The following PCDHA2 variants were observed in gnomAD, a reference collection of about 807,000 sequenced individuals.
The protein encoded by PCDHA2 is protocadherin alpha-2.
In PCDHA2, 58 loss-of-function variants were observed where a neutral mutation model predicts 66.0. The ratio of observed to expected loss-of-function variants is 0.88; its 90% CI spans 0.71 to 1.09. The LOEUF is 1.09. PCDHA2 is among the 50% of genes least tolerant of loss of function. PCDHA2 has a pLI of 0.00. For synonymous variants in PCDHA2, 634 were observed against 554.0 expected, an observed-to-expected ratio of 1.14 and a Z score of -2.03; for missense variants, 1,267 against 1,242.3, an observed-to-expected ratio of 1.02 and a Z score of -0.30.
rs2150160493 is a variant in PCDHA2 at position 140,828,905 on chromosome 5, G to A, written c.2388+31553G>A. ...ACTGAATGCTTCTGATCGGGATGAA[G>A]GAGCGAATGGGGCAATTTCATATTC... On this transcript the variant is annotated intron_variant, in intron 1 of 3. Coordinates refer to ENST00000526136, the MANE Select transcript of PCDHA2 (RefSeq NM_018905.3). 3 of 1,614,136 alleles carry A rather than the reference G, an allele frequency of 1.9e-6. No individual in the cohort carries two copies. In the Admixed American group the frequency reaches 5.0e-5, roughly 27 times the overall value.
chr5:140,835,623 G>T, intron 1 of PCDHA2: 2 of 1,613,888 alleles, frequency 1.2e-6, no homozygotes, highest in Non-Finnish European at 1.7e-6. Flanking sequence ...CAGCGCTCTG[G>T]ACCGCGAGAG....
intron 1 of PCDHA2, chr5:140,822,844 C>T (rs2150119784): frequency 6.2e-7 from 1 of 1,614,188 alleles, no homozygotes; most frequent in East Asian, 2.2e-5. Flanking sequence ...CCTTTTCCTG[C>T]CTGTCAAAGA....
At chr5:140,820,068 T>C (rs1554127785) in intron 1 of PCDHA2, among the ~76,000 whole-genome samples, 1 of 152,036 alleles carries the variant, frequency 6.6e-6, no homozygotes, top group African/African-American at 2.4e-5. Context: ...GTGGCTAACA[T>C]CAGCTAATGC....
chr5:140,868,431 G>T (rs1319024879), intron 1 of PCDHA2: 2 of 152,206 alleles, frequency 1.3e-5, no homozygotes, highest in Non-Finnish European at 2.9e-5. Flanking sequence ...GATGAGAATA[G>T]ATCATGTGGA....
At chr5:140,908,342 A>G (rs542660039) in intron 1 of PCDHA2, among the ~76,000 whole-genome samples, 48 of 152,196 alleles carry the variant, frequency 3.2e-4, no homozygotes, top group Non-Finnish European at 5.3e-4. Flanking sequence ...TTGAGCCACT[A>G]CCTCATGTAA....
chr5:140,863,256 C>T (rs761621534), intron 1 of PCDHA2: 6 of 1,442,182 alleles, frequency 4.2e-6, no homozygotes, highest in Non-Finnish European at 4.7e-6. Flanking sequence ...GCGTCGAGGT[C>T]CGGGAGGCAG....
chr5:140,830,060 C>T, intron 1 of PCDHA2: 1 of 1,613,712 alleles, frequency 6.2e-7, no homozygotes, highest in South Asian at 1.1e-5. Context: ...CCACGGTGAG[C>T]CGGCGCTGAC....
At chr5:140,829,083 C>T (rs2150162382) in intron 1 of PCDHA2, 3 of 1,611,052 alleles carry the variant, frequency 1.9e-6, no homozygotes, top group Non-Finnish European at 2.5e-6. Flanking sequence ...CCTCCCATGG[C>T]GGGTCATTGC....
chr5:140,795,062 A>G lies in PCDHA2; in HGVS notation c.98A>G (p.Tyr33Cys), dbSNP rs782698365. The G allele has an allele frequency of 8.1e-6, 13 of 1,613,784 alleles. No homozygotes were observed. The highest frequency in any genetic ancestry group is 1.1e-5 in the South Asian group (1 of 91,082). The stretch of plus-strand genomic sequence containing the variant: ...GAGGTGGGGAGCGGCCAGCTCCGCT[A>G]CTCCGTCCCCGAGGAGGCCAAACAC... ...AWEVGSGQLR[Y>C]SVPEEAKHGT... The change falls in exon 1 of 4, where the codon TAC (tyrosine) becomes TGC (cysteine). Residue 33 changes from tyrosine to cysteine, a missense_variant. Tyr to Cys is a radical substitution (Grantham distance 194). Coordinates refer to ENST00000526136, the MANE Select transcript of PCDHA2 (RefSeq NM_018905.3).
In PCDHA2 at chr5:140,823,505, GCGAGCTGGTGC is replaced by G. The variant is rs2150126511; in HGVS notation, c.2388+26158_2388+26168del. ...GTGGGTGGCACCGGCGGCGCAGTGA[GCGAGCTGGTGC>G]CGAGGTCAGTGGGTGCGGGCCACGT... On this transcript the variant is annotated intron_variant, in intron 1 of 3. Coordinates refer to ENST00000526136, the MANE Select transcript of PCDHA2 (RefSeq NM_018905.3). 4.3e-5 allele frequency: 70 copies of G among 1,613,446 alleles called. 2 individuals are homozygous for G. The Middle Eastern group carries it at 1.0e-3, about 23-fold the overall frequency.
In PCDHA2 at chr5:140,946,631, T is replaced by TATATATATATATACAC. The variant is rs57893927; in HGVS notation, c.2389-32317_2389-32316insTATATATATATACACA. ...TGTGAAATATATATATATATATATA[T>TATATATATATATACAC]ACAATGGAATACTCATCAGCCATTA... On this transcript the variant is annotated intron_variant, in intron 1 of 3. Coordinates refer to ENST00000526136, the MANE Select transcript of PCDHA2 (RefSeq NM_018905.3). Among the ~76,000 whole-genome samples the TATATATATATATACAC allele has an allele frequency of 4.3e-4, 57 of 131,850 alleles. 1 individual carries two copies. Among genetic ancestry groups the TATATATATATATACAC allele is most frequent in the East Asian group, 1.6e-3 (8 of 4,866 alleles). The allele number at this position is 131,850 out of a possible 152,430, so 86.5% of individuals were successfully genotyped here.
At chr5:140,978,897 G>A in intron 1 of PCDHA2, 52 bp from the exon 2 acceptor site, 2 of 1,612,776 alleles carry the variant, frequency 1.2e-6, no homozygotes, top group South Asian at 1.1e-5. Flanking sequence ...AGCATTCCTG[G>A]GAGAACATTG....
At chr5:140,872,769 T>C (rs1463790803) in intron 1 of PCDHA2, among the ~76,000 whole-genome samples, 2 of 152,184 alleles carry the variant, frequency 1.3e-5, no homozygotes, top group African/African-American at 2.4e-5. Flanking sequence ...TAGGGCTATA[T>C]TATCTATAAT....
At chr5:140,916,760 G>A (rs1387005871) in intron 1 of PCDHA2, among the ~76,000 whole-genome samples, 1 of 152,180 alleles carries the variant, frequency 6.6e-6, no homozygotes, top group Non-Finnish European at 1.5e-5. Context: ...ATTAGGGGAG[G>A]GGTGGCACAA....
chr5:140,969,418 TTAACAG>T (rs782375088), intron 1 of PCDHA2: 40 of 1,564,272 alleles, frequency 2.6e-5, no homozygotes, highest in Non-Finnish European at 3.4e-5. Context: ...TATTGAGTCA[TTAACAG>T]TGACAAGAGT....
At chr5:140,830,141 G>C in intron 1 of PCDHA2, 1 of 1,613,398 alleles carries the variant, frequency 6.2e-7, no homozygotes, top group South Asian at 1.1e-5. Flanking sequence ...ACGGGCGTCG[G>C]TGGGCGCCGC....
intron 1 of PCDHA2, among the ~76,000 whole-genome samples, chr5:140,941,214 C>CCTTTCTTTCTTCCTTT (rs2092876516): frequency 8.2e-6 from 1 of 122,414 alleles, no homozygotes; most frequent in Non-Finnish European, 1.7e-5. Context: ...TTTCTTTCTT[C>CCTTTCTTTCTTCCTTT]CTTTCTTTCT....
chr5:140,882,731 G>C, intron 1 of PCDHA2: 1 of 1,614,232 alleles, frequency 6.2e-7, no homozygotes, highest in Non-Finnish European at 8.5e-7. Flanking sequence ...ATTTCCACTA[G>C]ATGGCGCATC....
chr5:140,858,642 T>C, intron 1 of PCDHA2: 1 of 930,744 alleles, frequency 1.1e-6, no homozygotes, highest in South Asian at 1.9e-5. Context: ...CTTTGATTGG[T>C]ACTTAAATTT....
Sources: allele counts gnomAD v4.1 joint callset (sites outside exome capture counted in the v4.1 genomes callset), GRCh38; gene constraint gnomAD v4.1.1; transcripts MANE v1.5; gene names NCBI Gene and HGNC (gene_info 2026-07-23, HGNC 2026-07-21).